TLE4: variants seen among roughly 807,000 people sequenced by gnomAD.
TLE4 encodes the protein TLE family member 4, transcriptional corepressor.
Under a neutral mutation model 92.8 loss-of-function variants are expected in TLE4, and 8 were observed. The ratio of observed to expected loss-of-function variants is 0.09; its 90% CI spans 0.05 to 0.16. TLE4 has a LOEUF of 0.16. Among genes scored for constraint, TLE4 ranks in the 10% least tolerant of loss-of-function variants. The pLI is 1.00. For missense variants in TLE4, 675 were observed against 997.6 expected, an observed-to-expected ratio of 0.68 and a Z score of 4.36; for synonymous variants, 371 against 374.1, an observed-to-expected ratio of 0.99 and a Z score of 0.10.
intron 4 of TLE4, among the ~76,000 whole-genome samples, chr9:79,586,572 ACAGTGAGCTTGACATCTCAAGTCCT>A (rs1277989619): frequency 8.5e-5 from 13 of 152,236 alleles, no homozygotes; most frequent in Admixed American, 5.2e-4. Context: ...ACTGTGGCTT[ACAGTGAGCTTGACATCTCAAGTCCT>A]CAGGACTTTC....
intron 6 of TLE4, among the ~76,000 whole-genome samples, chr9:79,633,176 CA>C (rs1418005950): frequency 6.6e-6 from 1 of 152,100 alleles, no homozygotes; most frequent in African/African-American, 2.4e-5. Flanking sequence ...TCTCTCATAA[CA>C]AAGACTCTCA....
intron 6 of TLE4, among the ~76,000 whole-genome samples, chr9:79,651,174 A>G (rs2058916873): frequency 6.6e-6 from 1 of 152,098 alleles, no homozygotes; most frequent in African/African-American, 2.4e-5. Flanking sequence ...TGATTTCTTT[A>G]AAGGCAAAAA....
At chr9:79,671,374 C>T (rs971530612) in intron 8 of TLE4, 5 of 409,612 alleles carry the variant, frequency 1.2e-5, no homozygotes, top group South Asian at 3.3e-5. Context: ...ACGAGCTCAA[C>T]GAGTGGCCCG....
Position 79,615,468 on chromosome 9 carries a change from A to G in TLE4, c.315+2750A>G, listed in dbSNP as rs551739404. 2.0e-5 allele frequency among the ~76,000 whole-genome samples: 3 copies of G among 152,322 alleles called. No homozygotes were observed. The South Asian group carries it at 6.2e-4, about 32-fold the overall frequency. ...GAAGAGTAGTGCATAAGCTAACAGA[A>G]CATTGGCTGGAGCGATTGTGAGCAT... is the stretch of plus-strand genomic sequence containing the variant. On this transcript the variant is annotated intron_variant, in intron 5 of 19. Coordinates refer to ENST00000376552, the MANE Select transcript of TLE4 (RefSeq NM_007005.6).
intron 8 of TLE4, among the ~76,000 whole-genome samples, chr9:79,683,071 A>G (rs1235731748): frequency 6.6e-6 from 1 of 152,224 alleles, no homozygotes; most frequent in Non-Finnish European, 1.5e-5. Flanking sequence ...AAACAAAGAA[A>G]AAAATGTACA....
chr9:79,688,851 T>C (rs748339692), intron 8 of TLE4, among the ~76,000 whole-genome samples: 2 of 152,070 alleles, frequency 1.3e-5, no homozygotes, highest in Non-Finnish European at 2.9e-5. Flanking sequence ...TGACCATTGG[T>C]TACTTGAGCT....
intron 8 of TLE4, among the ~76,000 whole-genome samples, chr9:79,670,517 C>G (rs765120165): frequency 2.0e-5 from 3 of 152,172 alleles, no homozygotes; most frequent in Non-Finnish European, 2.9e-5. Context: ...TTTCCCACTG[C>G]TCAAGCAGGT....
At chr9:79,609,848 A>T (rs745615057) in intron 4 of TLE4, among the ~76,000 whole-genome samples, 1 of 152,008 alleles carries the variant, frequency 6.6e-6, no homozygotes, top group Non-Finnish European at 1.5e-5. Context: ...TATAAATTTG[A>T]TTGGAAGCTA....
chr9:79,667,995 G>C (rs191915829), intron 8 of TLE4, among the ~76,000 whole-genome samples: 1 of 152,330 alleles, frequency 6.6e-6, no homozygotes, highest in Admixed American at 6.5e-5. Flanking sequence ...GTGAAAAGTC[G>C]TTGAATAATT....
chr9:79,599,954 A>C (rs995251961), intron 4 of TLE4, among the ~76,000 whole-genome samples: 2 of 152,114 alleles, frequency 1.3e-5, no homozygotes, highest in African/African-American at 4.8e-5. Context: ...TCCACCTATG[A>C]TGTGAGCTCC....
At chr9:79,713,792 C>T (rs1432305458) in intron 14 of TLE4, among the ~76,000 whole-genome samples, 1 of 152,034 alleles carries the variant, frequency 6.6e-6, no homozygotes, top group Non-Finnish European at 1.5e-5. Flanking sequence ...CATCCTTGCC[C>T]TTGCCTGGTT....
intron 4 of TLE4, among the ~76,000 whole-genome samples, chr9:79,598,203 C>T (rs1238215921): frequency 3.4e-5 from 5 of 147,088 alleles, no homozygotes; most frequent in African/African-American, 1.0e-4. Flanking sequence ...GAGCTGAGAT[C>T]GTGCCACTGC....
chr9:79,699,098 C>T (rs1297863168), intron 8 of TLE4, among the ~76,000 whole-genome samples: 1 of 151,946 alleles, frequency 6.6e-6, no homozygotes, highest in Non-Finnish European at 1.5e-5. Flanking sequence ...CAAAGTAGTT[C>T]CAAAAAAACA....
chr9:79,682,207 C>A (rs1045231462), intron 8 of TLE4, among the ~76,000 whole-genome samples: 3 of 152,066 alleles, frequency 2.0e-5, no homozygotes, highest in Admixed American at 1.3e-4. Flanking sequence ...ATTCTGAAAT[C>A]CAGAAAGCTC....
chr9:79,683,944 T>C (rs895082536), intron 8 of TLE4, among the ~76,000 whole-genome samples: 1 of 152,248 alleles, frequency 6.6e-6, no homozygotes, highest in African/African-American at 2.4e-5. Context: ...TTATCATTTA[T>C]ACATATACTG....
chr9:79,719,056 C>T, intron 15 of TLE4, 85 bp downstream of exon 15: 2 of 1,522,612 alleles, frequency 1.3e-6, no homozygotes, highest in Non-Finnish European at 1.8e-6. Context: ...ATGAGCAACA[C>T]CACACAGTAT....
chr9:79,623,036 T>G (rs2051437632), intron 5 of TLE4, among the ~76,000 whole-genome samples: 1 of 152,180 alleles, frequency 6.6e-6, no homozygotes, highest in African/African-American at 2.4e-5. Flanking sequence ...GGGAGTACTT[T>G]TTAAATGTTT....
At chr9:79,594,932 A>G (rs1486660704) in intron 4 of TLE4, among the ~76,000 whole-genome samples, 2 of 152,220 alleles carry the variant, frequency 1.3e-5, no homozygotes, top group Non-Finnish European at 2.9e-5. Flanking sequence ...TACTTTAACC[A>G]TATCACTTGG....
At chr9:79,688,941 C>T (rs572812617) in intron 8 of TLE4, among the ~76,000 whole-genome samples, 10 of 152,194 alleles carry the variant, frequency 6.6e-5, no homozygotes, top group Admixed American at 2.0e-4. Context: ...GCCAGCATAA[C>T]TGAGAGACTC....
Sources: allele counts gnomAD v4.1 joint callset (sites outside exome capture counted in the v4.1 genomes callset), GRCh38; gene constraint gnomAD v4.1.1; transcripts MANE v1.5; gene names NCBI Gene and HGNC (gene_info 2026-07-23, HGNC 2026-07-21).